Variants in LRRC23 observed in about 807,000 individuals in gnomAD.
LRRC23 encodes leucine-rich repeat-containing protein 23.
Under a neutral mutation model 37.7 loss-of-function variants are expected in LRRC23, and 28 were observed. That is an observed-to-expected ratio of 0.74 (90% confidence interval 0.55 to 1.02). The LOEUF (loss-of-function observed/expected upper bound fraction) is 1.02, where lower values mean the gene tolerates loss of function less well. Among genes scored for constraint, LRRC23 ranks in the 50% least tolerant of loss-of-function variants. The pLI is 0.00. For missense variants in LRRC23, 377 were observed against 413.2 expected, an observed-to-expected ratio of 0.91 and a Z score of 0.76; for synonymous variants, 161 against 165.4, an observed-to-expected ratio of 0.97 and a Z score of 0.20.
At position 6,905,684 on chromosome 12, in the gene LRRC23, T is replaced by C. The variant is rs782343986; in HGVS notation, c.51T>C (p.Ser17=). The C allele has an allele frequency of 6.2e-7, 1 of 1,612,050 alleles. No homozygotes were observed. Among genetic ancestry groups the C allele is most frequent in the Non-Finnish European group, 8.5e-7 (1 of 1,179,626 alleles). ...ACTCTGAGCCAGACCAGGATGATTC[T>C]GAGAAAGAAGAGGACGAGAAGGAGA... ...LEDSEPDQDD[S]EKEEDEKETE... is the part of the protein sequence containing the mutation. The change falls in exon 2 of 8, where the codon TCT becomes TCC. Residue 17 remains serine, a synonymous_variant. Coordinates refer to ENST00000443597, the MANE Select transcript of LRRC23 (RefSeq NM_001135217.2).
At position 6,914,111 on chromosome 12, in the gene LRRC23, C is replaced by T. The variant is rs782092703; in HGVS notation, c.*245C>T. On this transcript the variant is annotated 3_prime_UTR_variant, in exon 8 of 8. Transcript: ENST00000443597. This position sits in a 1 kb window ranked among gnomAD's most constrained non-coding sequence, Gnocchi z 7.1. ...TGGAGCCTAGGCCGGGGGCCGCCCT[C>T]GGGCAGGCGTGGGTGAGAGCCAAGA... 2.0e-6 allele frequency: 3 copies of T among 1,503,592 alleles called. No homozygotes were observed. The highest frequency in any genetic ancestry group is 2.7e-6 in the Non-Finnish European group (3 of 1,128,458). 93.1% of individuals were successfully genotyped at this position (1,503,592 alleles called of 1,614,324 possible).
At position 6,908,850 on chromosome 12, in the gene LRRC23, T is replaced by C. The variant is rs782534067; in HGVS notation, c.622-1040T>C. Among the ~76,000 whole-genome samples, 444 of 139,992 alleles carry C rather than the reference T, an allele frequency of 3.2e-3. 2 individuals are homozygous for C. Among genetic ancestry groups the C allele is most frequent in the African/African-American group, 0.011 (431 of 37,558 alleles). The allele number at this position is 139,992 out of a possible 152,430, so 91.8% of individuals were successfully genotyped here. A position where few individuals can be genotyped will look rare whatever the true frequency, so the allele number is the denominator to read the frequency against. ...AAAAAAAAAAAAGAAAGAATCACAG[T>C]CAGAAAGAGGGAGTGGGGGGAAAGA... On this transcript the variant is annotated intron_variant, in intron 5 of 7. Transcript: ENST00000443597.
chr12:6,912,702 C>T, intron 6 of LRRC23, 28 bp from the exon 7 acceptor site: 1 of 1,605,740 alleles, frequency 6.2e-7, no homozygotes, highest in Non-Finnish European at 8.5e-7. Flanking sequence ...ATTATTCCTG[C>T]ATGAACCCCT....
rs1176801119 is a variant in LRRC23 at position 6,908,687 on chromosome 12, G to A, written c.622-1203G>A. Among the ~76,000 whole-genome samples the A allele has an allele frequency of 2.0e-5, 3 of 150,272 alleles. No homozygotes were observed. The East Asian group carries it at 5.8e-4, about 29-fold the overall frequency. ...CAAAAAAAAAAAATTAGCTGCGTGT[G>A]GTGGCAGGCACCTGTAGTCCCAGCT... is the stretch of plus-strand genomic sequence containing the variant. On this transcript the variant is annotated intron_variant, in intron 5 of 7. Coordinates refer to ENST00000443597, the MANE Select transcript of LRRC23 (RefSeq NM_001135217.2).
In LRRC23 at chr12:6,907,500, A is replaced by C. The variant is rs782754957; in HGVS notation, c.621+55A>C. 1.9e-6 allele frequency: 3 copies of C among 1,579,758 alleles called. No homozygotes were observed. The South Asian group carries it at 3.3e-5, about 17-fold the overall frequency. On this transcript the variant is annotated intron_variant, in intron 5 of 7. Coordinates refer to ENST00000443597, the MANE Select transcript of LRRC23 (RefSeq NM_001135217.2). ...GGAAGAGGGCACTGTCCTGGGGGTC[A>C]GGATGCCTGCTTTCTAGTAGGCTCA...
chr12:6,909,946 C>G lies in LRRC23; in HGVS notation c.678C>G (p.Thr226=). 1 of 1,613,904 alleles carries G rather than the reference C, an allele frequency of 6.2e-7. No individual in the cohort carries two copies. Among genetic ancestry groups the G allele is most frequent in the Non-Finnish European group, 8.5e-7 (1 of 1,179,910 alleles). ...EGLEDLSNLT[T]LHLRDNQIDT... ...TGGAGGATCTGAGCAATCTCACCACCTTGCATCTTCGAGACAACCAGATTG... is the reference window on the plus strand; with the variant it reads ...TGGAGGATCTGAGCAATCTCACCACGTTGCATCTTCGAGACAACCAGATTG... Residue 226 remains threonine (T), a synonymous_variant, in exon 6 of 8, where the codon ACC becomes ACG. Transcript: ENST00000443597.
chr12:6,912,396 TGATCAC>T (rs1945181450), intron 6 of LRRC23, among the ~76,000 whole-genome samples: 3 of 152,130 alleles, frequency 2.0e-5, no homozygotes, highest in African/African-American at 7.2e-5. Context: ...CATTTAGGTG[TGATCAC>T]AGAAAATGTC....
chr12:6,906,698 C>T (rs782050574), intron 4 of LRRC23, 36 bp downstream of exon 4: 9 of 1,602,044 alleles, frequency 5.6e-6, no homozygotes, highest in South Asian at 4.5e-5. Flanking sequence ...AGATTCTTTC[C>T]TTCCTAGCCT....
Position 6,912,974 on chromosome 12 carries a change from G to T in LRRC23, c.1003G>T (p.Asp335Tyr). 1 of 1,614,110 alleles carries T rather than the reference G, an allele frequency of 6.2e-7. No individual in the cohort carries two copies. The highest frequency in any genetic ancestry group is 8.5e-7 in the Non-Finnish European group (1 of 1,180,030). Residue 335 changes from aspartate to tyrosine, a missense_variant, in exon 7 of 8, where the codon GAC becomes TAC. Asp to Tyr is a radical substitution (Grantham distance 160, BLOSUM62 -3). This residue lies in a region of LRRC23 where 266 missense variants were observed against 285.6 expected (regional missense o/e 0.93). Transcript: ENST00000443597. Reference protein sequence around the residue: ...EKEQEPEPQRDLEPEQSLI With the variant: ...EKEQEPEPQRYLEPEQSLI ...GGAGCAGGAGCCTGAGCCCCAGCGT[G>T]ACCTGGAACCCGAACAGTCATTGAT...
chr12:6,913,076 G>A (rs1945207007), intron 7 of LRRC23, 49 bp downstream of exon 7: 1 of 1,572,432 alleles, frequency 6.4e-7, no homozygotes, highest in Admixed American at 1.8e-5. Context: ...GGGCTGGGCA[G>A]GTAGGGGAAG....
rs781928248 is a variant in LRRC23 at position 6,906,639 on chromosome 12, G to A, written c.467G>A (p.Arg156His). 3.3e-5 allele frequency: 53 copies of A among 1,613,976 alleles called. No homozygotes were observed. Among genetic ancestry groups the A allele is most frequent in the South Asian group, 5.5e-5 (5 of 91,072 alleles). Reference protein sequence around the residue: ...ITDTEGISHPRLETLNLKGNS... With the variant: ...ITDTEGISHPHLETLNLKGNS... ...GACACTGAAGGCATCTCTCATCCTCGTCTTGAAACCCTGAATCTCAAAGGT... is the reference window on the plus strand; with the variant it reads ...GACACTGAAGGCATCTCTCATCCTCATCTTGAAACCCTGAATCTCAAAGGT... The change falls in exon 4 of 8, where the codon CGT (arginine) becomes CAT (histidine). Residue 156 changes from arginine (R) to histidine (H), a missense_variant. By Grantham distance (29) the Arg-to-His change is conservative. Transcript: ENST00000443597.
intron 6 of LRRC23, 65 bp downstream of exon 6, chr12:6,910,091 G>A: frequency 2.7e-6 from 4 of 1,486,506 alleles, no homozygotes; most frequent in Non-Finnish European, 3.6e-6. Context: ...TTGAGTCTGT[G>A]TTCTTCCCTG....
Position 6,910,040 on chromosome 12 carries a change from C to G in LRRC23, c.758+14C>G, listed in dbSNP as rs782491544. Reference sequence around the variant, plus strand: ...CCTCAACCTGAGGTATGCACCCTCTCCAAGCCCCACCTTGCCCCTACCCCT... The same window carrying G: ...CCTCAACCTGAGGTATGCACCCTCTGCAAGCCCCACCTTGCCCCTACCCCT... On this transcript the variant is annotated intron_variant, in intron 6 of 7. Transcript: ENST00000443597. The G allele has an allele frequency of 8.1e-6, 13 of 1,597,988 alleles. No individual in the cohort carries two copies. Among genetic ancestry groups the G allele is most frequent in the Non-Finnish European group, 1.1e-5 (13 of 1,172,108 alleles).
chr12:6,909,365 TATATA>T (rs1391227966), intron 5 of LRRC23, among the ~76,000 whole-genome samples: 2 of 36,748 alleles, frequency 5.4e-5, no homozygotes, highest in Non-Finnish European at 8.3e-5. Flanking sequence ...TAGTATATTA[TATATA>T]ATATATTTTA....
intron 6 of LRRC23, 40 bp downstream of exon 6, chr12:6,910,066 G>C: frequency 6.4e-7 from 1 of 1,564,084 alleles, no homozygotes; most frequent in East Asian, 2.3e-5. Context: ...CCCTACCCCT[G>C]ACCAGGTGCA....
intron 5 of LRRC23, among the ~76,000 whole-genome samples, chr12:6,908,596 C>CAAAAAAAAAAAAAAA (rs61662814): frequency 3.2e-5 from 1 of 31,090 alleles, no homozygotes; most frequent in African/African-American, 9.8e-5. Context: ...GACTCCATCT[C>CAAAAAAAAAAAAAAA]AAAAAAAAAA....
At chr12:6,913,489 G>T (rs186415911) in intron 7 of LRRC23, among the ~76,000 whole-genome samples, 56 of 146,758 alleles carry the variant, frequency 3.8e-4, no homozygotes, top group African/African-American at 1.3e-3. Flanking sequence ...GGCAAAAAGA[G>T]ACTGAAGAGA....
chr12:6,907,615 C>T, intron 5 of LRRC23, 170 bp downstream of exon 5: 1 of 713,258 alleles, frequency 1.4e-6, no homozygotes, highest in South Asian at 1.5e-5. Context: ...AGCCACCTAG[C>T]AGGGCTGATA....
chr12:6,905,678 T>C lies in LRRC23; in HGVS notation c.45T>C (p.Asp15=). ...TAGAAGACTCTGAGCCAGACCAGGA[T>C]GATTCTGAGAAAGAAGAGGACGAGA... ...DDLEDSEPDQ[D]DSEKEEDEKE... is the part of the protein sequence containing the mutation. Residue 15 remains aspartate, a synonymous_variant, in exon 2 of 8, where the codon GAT becomes GAC. Coordinates refer to ENST00000443597, the MANE Select transcript of LRRC23 (RefSeq NM_001135217.2). The C allele has an allele frequency of 6.2e-7, 1 of 1,612,814 alleles. No homozygotes were observed. Among genetic ancestry groups the C allele is most frequent in the Non-Finnish European group, 8.5e-7 (1 of 1,179,762 alleles).
Sources: gnomAD v4.1 joint callset for allele counts (sites outside exome capture counted in the v4.1 genomes callset) on GRCh38, gnomAD v4.1.1 for gene constraint, gnomAD v4.1.1 regional missense constraint, Gnocchi (gnomAD v3.1) non-coding constraint, MANE v1.5 for transcripts, NCBI Gene and HGNC (gene_info 2026-07-23, HGNC 2026-07-21) for gene names.